The following NAV2 variants were observed in gnomAD, a reference collection of about 807,000 sequenced individuals.
NAV2 encodes the protein helicase, APC down-regulated 1.
A neutral mutation model predicts 223.2 loss-of-function variants in NAV2; 54 were observed. The observed-to-expected ratio is 0.24, with a 90% CI of 0.19 to 0.30. The LOEUF is 0.30. NAV2 is among the 10% of genes least tolerant of loss of function. The pLI is 1.00. For synonymous variants in NAV2, 1,279 were observed against 1,239.3 expected, an observed-to-expected ratio of 1.03 and a Z score of -0.67; for missense variants, 2,806 against 3,147.5, an observed-to-expected ratio of 0.89 and a Z score of 2.60.
intron 11 of NAV2, among the ~76,000 whole-genome samples, chr11:20,017,290 A>G (rs1031937182): frequency 1.3e-5 from 2 of 152,166 alleles, no homozygotes; most frequent in Non-Finnish European, 2.9e-5. Flanking sequence ...ACCACCTTTC[A>G]GCCCCTCCAG....
At chr11:20,053,242 A>G (rs1231065274) in intron 17 of NAV2, among the ~76,000 whole-genome samples, 1 of 145,748 alleles carries the variant, frequency 6.9e-6, no homozygotes, top group Non-Finnish European at 1.5e-5. Context: ...AAAAAAAAAA[A>G]AGGAAAGAAA....
intron 2 of NAV2, among the ~76,000 whole-genome samples, chr11:19,836,563 CAAA>C (rs34706618): frequency 6.1e-5 from 5 of 82,568 alleles, no homozygotes; most frequent in Admixed American, 1.2e-4. Context: ...GACTCTGTCT[CAAA>C]AAAAAAAAAA....
chr11:19,476,258 C>A (rs1461688337), intron 1 of NAV2, among the ~76,000 whole-genome samples: 1 of 152,212 alleles, frequency 6.6e-6, no homozygotes, highest in Non-Finnish European at 1.5e-5. Context: ...CAGGCGTGAG[C>A]CACTGCACCC....
At chr11:19,574,351 G>A (rs1269836316) in intron 1 of NAV2, among the ~76,000 whole-genome samples, 2 of 152,306 alleles carry the variant, frequency 1.3e-5, no homozygotes, top group East Asian at 3.9e-4. Flanking sequence ...GTTTCATTCA[G>A]TAACCACAGG....
intron 1 of NAV2, among the ~76,000 whole-genome samples, chr11:19,556,247 G>A (rs112523777): frequency 1.1e-4 from 16 of 152,312 alleles, no homozygotes; most frequent in African/African-American, 1.7e-4. Flanking sequence ...ATTGTAAATG[G>A]TAAACCACAG....
At chr11:19,792,711 A>C (rs947428352) in intron 1 of NAV2, among the ~76,000 whole-genome samples, 1 of 151,890 alleles carries the variant, frequency 6.6e-6, no homozygotes, top group Non-Finnish European at 1.5e-5. Flanking sequence ...ATTAATAGGT[A>C]CTCTTAATAC....
intron 1 of NAV2, among the ~76,000 whole-genome samples, chr11:19,640,545 T>C (rs2047635664): frequency 6.6e-6 from 1 of 152,132 alleles, no homozygotes; most frequent in African/African-American, 2.4e-5. Flanking sequence ...CCCTTCCATA[T>C]CTCAGGGGAC....
chr11:19,481,296 G>A (rs1010496433), intron 1 of NAV2, among the ~76,000 whole-genome samples: 3 of 152,076 alleles, frequency 2.0e-5, no homozygotes, highest in African/African-American at 7.2e-5. Flanking sequence ...ATGAACTGTG[G>A]CCTGGAAACC....
At position 20,121,126 on chromosome 11, in the gene NAV2, T is replaced by C. The variant is rs1364064420; in HGVS notation, c.*2868T>C. ...TGGGGACTTTTACTTTGTTGTTTGA[T>C]GCTTAAACTTCAAAATTCTCTGTAT... On this transcript the variant is annotated 3_prime_UTR_variant, in exon 38 of 38. Coordinates refer to ENST00000349880, the MANE Select transcript of NAV2 (RefSeq NM_145117.5). 2 of 152,538 alleles carry C rather than the reference T, an allele frequency of 1.3e-5. No homozygotes were observed. The highest frequency in any genetic ancestry group is 2.9e-5 in the Non-Finnish European group (2 of 68,044). 9.4% of individuals were successfully genotyped at this position (152,538 alleles called of 1,614,324 possible).
intron 1 of NAV2, among the ~76,000 whole-genome samples, chr11:19,353,514 C>T (rs1224448029): frequency 6.6e-6 from 1 of 152,130 alleles, no homozygotes; most frequent in East Asian, 1.9e-4. Flanking sequence ...CCTGGGAAAC[C>T]TCCTTAACCT....
chr11:19,569,619 G>A (rs1317732873), intron 1 of NAV2, among the ~76,000 whole-genome samples: 1 of 151,920 alleles, frequency 6.6e-6, no homozygotes, highest in Non-Finnish European at 1.5e-5. Context: ...TTATTTCTGT[G>A]GCCCCCATAG....
chr11:19,798,905 A>G (rs1461973650), intron 1 of NAV2, among the ~76,000 whole-genome samples: 1 of 152,176 alleles, frequency 6.6e-6, no homozygotes, highest in Non-Finnish European at 1.5e-5. Flanking sequence ...CTAAATTTAC[A>G]TATCTGAAAT....
intron 1 of NAV2, among the ~76,000 whole-genome samples, chr11:19,603,654 A>C (rs570838120): frequency 1.3e-5 from 2 of 151,910 alleles, no homozygotes; most frequent in Middle Eastern, 3.4e-3. Flanking sequence ...AAAAAAGAAA[A>C]AAGAAAAGAA....
chr11:19,370,738 A>T (rs1489571590), intron 1 of NAV2, among the ~76,000 whole-genome samples: 5 of 151,848 alleles, frequency 3.3e-5, no homozygotes, highest in Non-Finnish European at 7.4e-5. Flanking sequence ...GTGCTTGCAG[A>T]CTCCCCACCG....
intron 1 of NAV2, among the ~76,000 whole-genome samples, chr11:19,515,554 T>C (rs1253720456): frequency 6.6e-6 from 1 of 152,258 alleles, no homozygotes; most frequent in Non-Finnish European, 1.5e-5. Flanking sequence ...AGTTTCTACA[T>C]ATCCTTTTTT....
At chr11:19,495,487 A>T (rs1426494610) in intron 1 of NAV2, among the ~76,000 whole-genome samples, 1 of 152,216 alleles carries the variant, frequency 6.6e-6, no homozygotes, top group African/African-American at 2.4e-5. Context: ...GGCTGGTGAC[A>T]TACAGCTTAC....
At position 19,963,876 on chromosome 11, in the gene NAV2, G is replaced by A. The variant is rs17613275; in HGVS notation, c.2645+14796G>A. 6.6e-3 allele frequency among the ~76,000 whole-genome samples: 1,005 copies of A among 152,234 alleles called. 3 individuals are homozygous for A. The highest frequency in any genetic ancestry group is 0.01 in the Non-Finnish European group (686 of 68,010). Reference sequence around the variant, plus strand: ...AGCCAATTCTGCACAGTGATTTACCGAAGCGCCTTACCGCGATGTGGCTTC... The same window carrying A: ...AGCCAATTCTGCACAGTGATTTACCAAAGCGCCTTACCGCGATGTGGCTTC... On this transcript the variant is annotated intron_variant, in intron 10 of 37. Transcript: ENST00000349880.
intron 1 of NAV2, among the ~76,000 whole-genome samples, chr11:19,780,182 A>G (rs2056618334): frequency 6.6e-6 from 1 of 152,190 alleles, no homozygotes; most frequent in Admixed American, 6.5e-5. Context: ...CCCACCTAGG[A>G]GAGAAGGCAG....
At chr11:19,977,355 C>G (rs1461372322) in intron 10 of NAV2, among the ~76,000 whole-genome samples, 1 of 152,218 alleles carries the variant, frequency 6.6e-6, no homozygotes, top group African/African-American at 2.4e-5. Context: ...TCACCTTGGG[C>G]TTTCTCTCCA....
Sources: allele counts gnomAD v4.1 joint callset (sites outside exome capture counted in the v4.1 genomes callset), GRCh38; gene constraint gnomAD v4.1.1; transcripts MANE v1.5; gene names NCBI Gene and HGNC (gene_info 2026-07-23, HGNC 2026-07-21).